Variants in KDM5A observed in about 807,000 individuals in gnomAD.
KDM5A encodes lysine-specific demethylase 5A.
In KDM5A, 42 loss-of-function variants were observed where a neutral mutation model predicts 193.5. The observed-to-expected ratio is 0.22, with a 90% CI of 0.17 to 0.28. The LOEUF is 0.28. Among genes scored for constraint, KDM5A ranks in the 10% least tolerant of loss-of-function variants. KDM5A has a pLI of 1.00. For missense variants in KDM5A, 1,692 were observed against 2,055.1 expected (o/e 0.82, Z 3.42); for synonymous variants, 796 against 718.1 (o/e 1.11, Z -1.73).
chr12:357,385 T>A (rs1591929831), intron 5 of KDM5A, among the ~76,000 whole-genome samples: 1 of 150,144 alleles, frequency 6.7e-6, no homozygotes, highest in South Asian at 2.1e-4. Context: ...CCTGAAGTCC[T>A]AGCTACCCAG....
intron 3 of KDM5A, among the ~76,000 whole-genome samples, chr12:382,223 G>A (rs1215717893): frequency 2.0e-5 from 3 of 152,124 alleles, no homozygotes; most frequent in Non-Finnish European, 2.9e-5. Context: ...TCTGAGGTCA[G>A]GAGTTCGAGT....
intron 3 of KDM5A, among the ~76,000 whole-genome samples, chr12:373,179 C>T (rs534271062): frequency 5.3e-5 from 8 of 152,292 alleles, no homozygotes; most frequent in African/African-American, 1.9e-4. Context: ...ACCAGCTCCT[C>T]CTTGTACATC....
At chr12:385,275 T>C (rs1162229713) in intron 2 of KDM5A, among the ~76,000 whole-genome samples, 1 of 151,784 alleles carries the variant, frequency 6.6e-6, no homozygotes, top group East Asian at 1.9e-4. Context: ...AAACCTTTGC[T>C]ATCAATAATT....
At position 350,728 on chromosome 12, in the gene KDM5A, T is replaced by A; in HGVS notation, c.1201A>T (p.Ile401Phe). The change falls in exon 10 of 28, where the codon ATT becomes TTT. Residue 401 changes from isoleucine to phenylalanine, a missense_variant. Ile to Phe is a conservative substitution (Grantham distance 21). Transcript: ENST00000399788. ...TATTCCACAATAACATCTTCTTCAA[T>A]GCTGCTTACCAGCCGCCAAAATTCC... is the stretch of plus-strand genomic sequence containing the variant. ...EKEFWRLVSS[I>F]EEDVIVEYGA... 6.2e-7 allele frequency: 1 copy of A among 1,614,122 alleles called. No individual in the cohort carries two copies. Among genetic ancestry groups the A allele is most frequent in the East Asian group, 2.2e-5 (1 of 44,874 alleles).
intron 27 of KDM5A, among the ~76,000 whole-genome samples, chr12:290,640 TAG>T (rs1330790525): frequency 6.6e-6 from 1 of 152,170 alleles, no homozygotes; most frequent in African/African-American, 2.4e-5. Context: ...AGTGCTTTCA[TAG>T]AGATTGTTTT....
chr12:291,900 GCT>G (rs1943299308), intron 27 of KDM5A, among the ~76,000 whole-genome samples: 1 of 144,772 alleles, frequency 6.9e-6, no homozygotes. Flanking sequence ...TTAAAACAAT[GCT>G]TTTTTTTTTT....
chr12:373,405 T>C (rs1410887933), intron 3 of KDM5A, among the ~76,000 whole-genome samples: 2 of 152,232 alleles, frequency 1.3e-5, no homozygotes, highest in Non-Finnish European at 2.9e-5. Context: ...CTGATGGTAG[T>C]TTGTATTTCT....
chr12:348,236 A>G (rs1279493260), intron 10 of KDM5A, among the ~76,000 whole-genome samples: 14 of 152,228 alleles, frequency 9.2e-5, no homozygotes, highest in Admixed American at 5.9e-4. Context: ...ACCAGTTAGA[A>G]TGGCGATCAT....
At chr12:312,176 A>G (rs1350648694) in intron 20 of KDM5A, among the ~76,000 whole-genome samples, 1 of 152,210 alleles carries the variant, frequency 6.6e-6, no homozygotes, top group East Asian at 1.9e-4. Flanking sequence ...GGTTTTTATG[A>G]TTCGAGTACA....
intron 2 of KDM5A, among the ~76,000 whole-genome samples, chr12:385,502 C>CAAA (rs1466262757): frequency 6.6e-6 from 1 of 151,758 alleles, no homozygotes. Flanking sequence ...CCATTAAAAC[C>CAAA]AAAACCAAAA....
chr12:358,704 G>A (rs1412542696), intron 5 of KDM5A, among the ~76,000 whole-genome samples: 1 of 152,140 alleles, frequency 6.6e-6, no homozygotes, highest in African/African-American at 2.4e-5. Flanking sequence ...CAGGCATGAT[G>A]ACTCACACTT....
At position 280,951 on chromosome 12, in the gene KDM5A, G is replaced by A. The variant is rs187087774; in HGVS notation, c.*4505C>T. 29 of 232,848 alleles carry A rather than the reference G, an allele frequency of 1.2e-4. No individual in the cohort carries two copies. Among genetic ancestry groups the A allele is most frequent in the Non-Finnish European group, 1.9e-4 (22 of 117,906 alleles). 14.4% of individuals were successfully genotyped at this position (232,848 alleles called of 1,614,324 possible). A position where few individuals can be genotyped will look rare whatever the true frequency, so the allele number is the denominator to read the frequency against. On this transcript the variant is annotated 3_prime_UTR_variant, in exon 28 of 28. Coordinates refer to ENST00000399788, the MANE Select transcript of KDM5A (RefSeq NM_001042603.3). ...GAAATTAGAAACTGCTTTGGCACAG[G>A]TCAAAGGTGGCTCCCATATACTCAC...
At chr12:295,535 G>C (rs1365233337) in intron 26 of KDM5A, 38 bp downstream of exon 26, 1 of 1,579,632 alleles carries the variant, frequency 6.3e-7, no homozygotes, top group African/African-American at 1.3e-5. Flanking sequence ...AGGCATTCTA[G>C]TTTTTAACCA....
At chr12:302,979 C>A (rs908012503) in intron 24 of KDM5A, among the ~76,000 whole-genome samples, 1 of 152,310 alleles carries the variant, frequency 6.6e-6, no homozygotes, top group African/African-American at 2.4e-5. Context: ...CCATCTCACA[C>A]CAGCTAAAAT....
chr12:324,923 A>G (rs1400200395), intron 14 of KDM5A, among the ~76,000 whole-genome samples: 1 of 152,174 alleles, frequency 6.6e-6, no homozygotes, highest in Admixed American at 6.5e-5. Context: ...GCATTTTACC[A>G]AACACCTCCA....
At chr12:313,598 T>C (rs1281507002) in intron 19 of KDM5A, among the ~76,000 whole-genome samples, 8 of 152,294 alleles carry the variant, frequency 5.3e-5, no homozygotes, top group Non-Finnish European at 1.2e-4. Flanking sequence ...GAGATGCACA[T>C]TGGATAGCAA....
intron 3 of KDM5A, among the ~76,000 whole-genome samples, chr12:377,984 T>A (rs1048699845): frequency 5.3e-5 from 8 of 152,200 alleles, no homozygotes; most frequent in Admixed American, 5.2e-4. Flanking sequence ...TTTTTCACAG[T>A]AATAATTTTA....
intron 12 of KDM5A, among the ~76,000 whole-genome samples, chr12:332,618 T>C (rs550172166): frequency 6.6e-6 from 1 of 152,324 alleles, no homozygotes; most frequent in South Asian, 2.1e-4. Context: ...AAAAGGTATT[T>C]GCAGTATATT....
chr12:360,785 A>T (rs1489796566), intron 5 of KDM5A, among the ~76,000 whole-genome samples: 2 of 152,226 alleles, frequency 1.3e-5, no homozygotes, highest in East Asian at 3.8e-4. Context: ...TATGTTTAAG[A>T]TGATAGAGAC....
Sources: gnomAD v4.1 joint callset for allele counts (sites outside exome capture counted in the v4.1 genomes callset) on GRCh38, gnomAD v4.1.1 for gene constraint, MANE v1.5 for transcripts, NCBI Gene and HGNC (gene_info 2026-07-23, HGNC 2026-07-21) for gene names.